The following GBE1 variants were observed in gnomAD, a reference collection of about 807,000 sequenced individuals.
GBE1 encodes 1,4-alpha-glucan branching enzyme 1.
Under a neutral mutation model 88.8 loss-of-function variants are expected in GBE1, and 70 were observed. The observed-to-expected ratio is 0.79, with a 90% CI of 0.65 to 0.96. The LOEUF is 0.96. Among genes scored for constraint, GBE1 ranks in the 40% least tolerant of loss-of-function variants. GBE1 has a pLI of 0.00. For synonymous variants in GBE1, 284 were observed against 300.1 expected, an observed-to-expected ratio of 0.95 and a Z score of 0.56; for missense variants, 872 against 871.0, an observed-to-expected ratio of 1.00 and a Z score of -0.01.
At chr3:81,756,195 A>G (rs1189726541) in intron 1 of GBE1, among the ~76,000 whole-genome samples, 1 of 152,196 alleles carries the variant, frequency 6.6e-6, no homozygotes, top group African/African-American at 2.4e-5. Context: ...TGAGTATGAA[A>G]GTATCTAATT....
chr3:81,646,392 C>G lies in GBE1; in HGVS notation c.782G>C (p.Ser261Thr). The change falls in exon 6 of 16, where the codon AGC (serine) becomes ACC (threonine). Residue 261 changes from serine to threonine, a missense_variant and splice_region_variant. Physicochemically the swap from Ser to Thr is moderately conservative, Grantham distance 58. Transcript: ENST00000429644. ...YQITSFFAAS[S>T]RYGTPEELQE... The stretch of plus-strand genomic sequence containing the variant: ...GAACACAATGAGTCTCTGATTTTAC[C>G]TGGAAGCTGCAAAGAAGCTTGTGAT... The G allele has an allele frequency of 6.3e-7, 1 of 1,575,448 alleles. No individual in the cohort carries two copies. Among genetic ancestry groups the G allele is most frequent in the Non-Finnish European group, 8.6e-7 (1 of 1,156,924 alleles).
chr3:81,597,021 T>C (rs930058128), intron 7 of GBE1, among the ~76,000 whole-genome samples: 2 of 151,964 alleles, frequency 1.3e-5, no homozygotes, highest in African/African-American at 4.8e-5. Context: ...AGAGGAGTTA[T>C]GAATTATTCC....
At chr3:81,636,482 T>G (rs1704592982) in intron 7 of GBE1, among the ~76,000 whole-genome samples, 1 of 152,164 alleles carries the variant, frequency 6.6e-6, no homozygotes. Flanking sequence ...AGTTAGCTGT[T>G]TGCTAAACTA....
At chr3:81,709,529 A>G (rs924370123) in intron 1 of GBE1, among the ~76,000 whole-genome samples, 2 of 152,182 alleles carry the variant, frequency 1.3e-5, no homozygotes, top group Non-Finnish European at 2.9e-5. Flanking sequence ...AAAAAGGTAT[A>G]ACGTTGGGAG....
At chr3:81,580,876 A>G (rs577177703) in intron 11 of GBE1, among the ~76,000 whole-genome samples, 2 of 152,150 alleles carry the variant, frequency 1.3e-5, no homozygotes, top group Non-Finnish European at 2.9e-5. Flanking sequence ...AAGGGAAAAC[A>G]TATAATACTT....
chr3:81,674,997 T>C (rs1705233366), intron 2 of GBE1, among the ~76,000 whole-genome samples: 1 of 151,988 alleles, frequency 6.6e-6, no homozygotes, highest in Non-Finnish European at 1.5e-5. Flanking sequence ...ATCACATGGA[T>C]TTGTTAAAAT....
intron 1 of GBE1, among the ~76,000 whole-genome samples, chr3:81,746,056 C>A (rs1706416416): frequency 6.6e-6 from 1 of 151,980 alleles, no homozygotes; most frequent in South Asian, 2.1e-4. Flanking sequence ...TTCATTCTTA[C>A]AAATAAAATT....
intron 2 of GBE1, among the ~76,000 whole-genome samples, chr3:81,686,628 T>G (rs1705445141): frequency 6.6e-6 from 1 of 152,036 alleles, no homozygotes; most frequent in Non-Finnish European, 1.5e-5. Flanking sequence ...TGGTGGCGTA[T>G]GCCTGTAATC....
At chr3:81,681,287 GGGGCC>G (rs1705336981) in intron 2 of GBE1, among the ~76,000 whole-genome samples, 1 of 152,076 alleles carries the variant, frequency 6.6e-6, no homozygotes, top group African/African-American at 2.4e-5. Context: ...CAAACATTTG[GGGGCC>G]AGTAGGGGGG....
rs2107114689 is a variant in GBE1 at position 81,670,898 on chromosome 3, C to T, written c.369G>A (p.Glu123=). 3.8e-6 allele frequency: 6 copies of T among 1,578,132 alleles called. No homozygotes were observed. In the Middle Eastern group the frequency reaches 1.0e-3, roughly 262 times the overall value. ...TATTCTGCTTTGGTGGGATATACAGCTCCCATTTTCCATAATCCAGTTTTT... is the reference window on the plus strand; with the variant it reads ...TATTCTGCTTTGGTGGGATATACAGTTCCCATTTTCCATAATCCAGTTTTT... The part of the protein sequence containing the change: ...PYKKLDYGKW[E]LYIPPKQNKS... Residue 123 remains glutamate (E), a synonymous_variant, in exon 3 of 16, where the codon GAG becomes GAA. Transcript: ENST00000429644.
At chr3:81,570,395 T>G (rs542761213) in intron 12 of GBE1, among the ~76,000 whole-genome samples, 4 of 152,312 alleles carry the variant, frequency 2.6e-5, no homozygotes, top group African/African-American at 9.6e-5. Context: ...AAATTACAGA[T>G]GTTTCTCATA....
At chr3:81,570,065 C>T (rs1703552087) in intron 12 of GBE1, among the ~76,000 whole-genome samples, 1 of 152,128 alleles carries the variant, frequency 6.6e-6, no homozygotes, top group South Asian at 2.1e-4. Context: ...CCACCTCAGC[C>T]TCCCAAAGTG....
chr3:81,537,235 T>C (rs1325191371), intron 12 of GBE1, 140 bp from the exon 13 acceptor site: 4 of 564,742 alleles, frequency 7.1e-6, no homozygotes, highest in Non-Finnish European at 1.1e-5. Context: ...CTGTGAATGA[T>C]GTACAGGTGT....
At chr3:81,742,682 A>G (rs985485876) in intron 1 of GBE1, among the ~76,000 whole-genome samples, 2 of 152,144 alleles carry the variant, frequency 1.3e-5, no homozygotes, top group Admixed American at 6.6e-5. Context: ...GAGGCGAAAG[A>G]AGTTTTTTAA....
intron 1 of GBE1, among the ~76,000 whole-genome samples, chr3:81,718,300 G>T (rs1222202669): frequency 1.3e-5 from 2 of 151,976 alleles, no homozygotes; most frequent in East Asian, 1.9e-4. Flanking sequence ...ATTTTAAAAA[G>T]AGAAATAATC....
At chr3:81,520,995 C>A (rs142508325) in intron 14 of GBE1, among the ~76,000 whole-genome samples, 3 of 151,584 alleles carry the variant, frequency 2.0e-5, no homozygotes, top group East Asian at 3.9e-4. Context: ...CAAACGTATT[C>A]TCTTATTTTG....
At chr3:81,759,985 C>T (rs1706656430) in intron 1 of GBE1, among the ~76,000 whole-genome samples, 3 of 152,266 alleles carry the variant, frequency 2.0e-5, no homozygotes, top group Admixed American at 6.5e-5. Context: ...CTAACCACTA[C>T]CTTTAATCAC....
At chr3:81,491,313 T>A (rs1339266542) in intron 15 of GBE1, among the ~76,000 whole-genome samples, 1 of 152,198 alleles carries the variant, frequency 6.6e-6, no homozygotes, top group Non-Finnish European at 1.5e-5. Context: ...TTGTGAATGA[T>A]TTTTCAGGTT....
intron 2 of GBE1, among the ~76,000 whole-genome samples, chr3:81,675,706 T>A (rs1298226993): frequency 6.6e-6 from 1 of 152,082 alleles, no homozygotes; most frequent in Non-Finnish European, 1.5e-5. Context: ...TACCATAACC[T>A]AGATATTGCT....
Sources: allele counts gnomAD v4.1 joint callset (sites outside exome capture counted in the v4.1 genomes callset), GRCh38; gene constraint gnomAD v4.1.1; transcripts MANE v1.5; gene names NCBI Gene and HGNC (gene_info 2026-07-23, HGNC 2026-07-21).